LMBR1: variants seen among roughly 807,000 people sequenced by gnomAD.
LMBR1 encodes the protein limb region 1 protein homolog.
Under a neutral mutation model 73.9 loss-of-function variants are expected in LMBR1, and 52 were observed. The ratio of observed to expected loss-of-function variants is 0.70; its 90% CI spans 0.56 to 0.89. The LOEUF (loss-of-function observed/expected upper bound fraction) is 0.89, where lower values mean the gene tolerates loss of function less well. Among genes scored for constraint, LMBR1 ranks in the 40% least tolerant of loss-of-function variants. The probability of loss-of-function intolerance (pLI) is 0.00; values close to 1 mark genes in which losing one functional copy is unlikely to be tolerated. For missense variants in LMBR1, 539 were observed against 579.8 expected (o/e 0.93, Z 0.72); for synonymous variants, 215 against 209.4 (o/e 1.03, Z -0.23).
intron 15 of LMBR1, among the ~76,000 whole-genome samples, chr7:156,716,011 T>C (rs1265487581): frequency 6.6e-6 from 1 of 152,222 alleles, no homozygotes; most frequent in Non-Finnish European, 1.5e-5. Flanking sequence ...ACACTCAACA[T>C]GGTGGCACCC....
At chr7:156,835,123 G>C (rs1291629955) in intron 2 of LMBR1, among the ~76,000 whole-genome samples, 1 of 151,954 alleles carries the variant, frequency 6.6e-6, no homozygotes, top group Non-Finnish European at 1.5e-5. Context: ...CTGGTGACAG[G>C]GCGAGACTTG....
intron 1 of LMBR1, among the ~76,000 whole-genome samples, chr7:156,866,453 G>A (rs982405279): frequency 2.0e-5 from 3 of 151,282 alleles, no homozygotes; most frequent in African/African-American, 7.3e-5. Flanking sequence ...CCATTGCTAT[G>A]CAAATGTTCG....
At chr7:156,808,900 C>T (rs994520665) in intron 4 of LMBR1, among the ~76,000 whole-genome samples, 3 of 152,132 alleles carry the variant, frequency 2.0e-5, no homozygotes, top group Admixed American at 6.5e-5. Context: ...TAACACTTCA[C>T]GTAGAGCATG....
At chr7:156,688,309 G>C in intron 15 of LMBR1, 118 bp from the exon 16 acceptor site, 1 of 668,608 alleles carries the variant, frequency 1.5e-6, no homozygotes, top group South Asian at 2.4e-5. Context: ...TGTGACGTGA[G>C]ATGCTCTAAT....
At chr7:156,838,899 A>G (rs73166195) in intron 1 of LMBR1, among the ~76,000 whole-genome samples, 36,860 of 151,782 alleles carry the variant, frequency 0.24, 4,988 homozygotes, top group East Asian at 0.42. Context: ...TGTGTTTTTG[A>G]TTACAGCCAC....
At chr7:156,708,152 C>T (rs1811361463) in intron 15 of LMBR1, among the ~76,000 whole-genome samples, 1 of 152,024 alleles carries the variant, frequency 6.6e-6, no homozygotes, top group South Asian at 2.1e-4. Context: ...GACTAATGTG[C>T]AGTTCCCACT....
intron 1 of LMBR1, among the ~76,000 whole-genome samples, chr7:156,879,525 G>T (rs1011347623): frequency 6.6e-6 from 1 of 151,974 alleles, no homozygotes; most frequent in Non-Finnish European, 1.5e-5. Context: ...TTAGCCAGGC[G>T]TGGTGGCAGG....
chr7:156,788,564 C>T (rs1828583322), intron 5 of LMBR1, among the ~76,000 whole-genome samples: 1 of 150,294 alleles, frequency 6.7e-6, no homozygotes, highest in Non-Finnish European at 1.5e-5. Flanking sequence ...CTGCCCTCTA[C>T]TAATACCTGG....
chr7:156,823,061 A>C (rs1835060761), intron 4 of LMBR1: 2 of 152,184 alleles, frequency 1.3e-5, no homozygotes, highest in Non-Finnish European at 2.9e-5. Context: ...GCAGTGAGCC[A>C]AGACTGCGCC....
chr7:156,772,186 A>G (rs1173948273), intron 5 of LMBR1, among the ~76,000 whole-genome samples: 1 of 152,204 alleles, frequency 6.6e-6, no homozygotes, highest in African/African-American at 2.4e-5. Context: ...AGGCAGGAGA[A>G]TCACTTGAAC....
At chr7:156,799,135 G>A (rs1415873260) in intron 4 of LMBR1, among the ~76,000 whole-genome samples, 5 of 151,766 alleles carry the variant, frequency 3.3e-5, no homozygotes, top group African/African-American at 9.7e-5. Context: ...CCAGCAGGCA[G>A]AGGTTGCAGT....
intron 9 of LMBR1, among the ~76,000 whole-genome samples, chr7:156,744,462 G>T (rs1388569150): frequency 1.3e-5 from 2 of 151,784 alleles, no homozygotes; most frequent in African/African-American, 4.8e-5. Flanking sequence ...CTGAACTCAA[G>T]TCTTTCTTAA....
intron 9 of LMBR1, among the ~76,000 whole-genome samples, chr7:156,743,986 G>C (rs1051555503): frequency 6.6e-6 from 1 of 152,116 alleles, no homozygotes; most frequent in African/African-American, 2.4e-5. Context: ...AATAGTGCTT[G>C]GCACAAATTA....
At chr7:156,756,255 C>A (rs1821850976) in intron 9 of LMBR1, 138 bp downstream of exon 9, 2 of 554,136 alleles carry the variant, frequency 3.6e-6, no homozygotes. Flanking sequence ...CAGGGAAGTT[C>A]TTTTATTACT....
intron 1 of LMBR1, among the ~76,000 whole-genome samples, chr7:156,860,337 A>T (rs150501944): frequency 0.017 from 2,546 of 152,178 alleles, 63 homozygotes; most frequent in African/African-American, 0.057. Context: ...TCTTTATAAA[A>T]CCATCAGATC....
chr7:156,785,235 C>A (rs1275674365), intron 5 of LMBR1, among the ~76,000 whole-genome samples: 1 of 152,070 alleles, frequency 6.6e-6, no homozygotes, highest in Non-Finnish European at 1.5e-5. Context: ...CAAGATTGCA[C>A]CACTGCACTC....
At chr7:156,780,366 C>G (rs919581746) in intron 5 of LMBR1, among the ~76,000 whole-genome samples, 4 of 152,088 alleles carry the variant, frequency 2.6e-5, no homozygotes, top group Non-Finnish European at 5.9e-5. Flanking sequence ...AATTTGTAGG[C>G]AGAAATTCCC....
rs534262347 is a variant in LMBR1, at chr7:156,682,710, C to T, written c.*1368G>A. 1.3e-5 allele frequency: 2 copies of T among 152,316 alleles called. No homozygotes were observed. Among genetic ancestry groups the T allele is most frequent in the Admixed American group, 1.3e-4 (2 of 15,296 alleles). The allele number at this position is 152,316 out of a possible 1,614,324, so 9.4% of individuals were successfully genotyped here. On this transcript the variant is annotated 3_prime_UTR_variant, in exon 17 of 17. Coordinates refer to ENST00000353442, the MANE Select transcript of LMBR1 (RefSeq NM_022458.4). ...GTGGAAATTTCTGATGTCAAATAGA[C>T]ACAGCCTGCGTTTCATAAATTTCTC...
intron 1 of LMBR1, among the ~76,000 whole-genome samples, chr7:156,878,173 A>G (rs1431557674): frequency 6.6e-6 from 1 of 152,204 alleles, no homozygotes; most frequent in African/African-American, 2.4e-5. Context: ...CACCACTTCT[A>G]TTCAACATAG....
Sources: gnomAD v4.1 joint callset for allele counts (sites outside exome capture counted in the v4.1 genomes callset) on GRCh38, gnomAD v4.1.1 for gene constraint, MANE v1.5 for transcripts, NCBI Gene and HGNC (gene_info 2026-07-23, HGNC 2026-07-21) for gene names.